The following GPATCH2L variants were observed in gnomAD, a reference collection of about 807,000 sequenced individuals.
GPATCH2L encodes the protein G patch domain-containing protein 2-like.
GPATCH2L carries 31 observed loss-of-function variants against 57.4 expected under a neutral mutation model. The observed-to-expected ratio is 0.54, with a 90% confidence interval of 0.41 to 0.73. GPATCH2L has a LOEUF of 0.73. Ranked by LOEUF, GPATCH2L falls within the 30% of genes least tolerant of loss-of-function variation. GPATCH2L has a pLI of 0.00. For synonymous variants in GPATCH2L, 199 were observed against 210.7 expected (o/e 0.94, Z 0.48); for missense variants, 481 against 599.9 (o/e 0.80, Z 2.07).
Position 76,199,891 on chromosome 14 carries a change from A to G in GPATCH2L, c.1289-1800A>G, listed in dbSNP as rs57357834. On this transcript the variant is annotated intron_variant, in intron 9 of 9. Transcript: ENST00000261530. Reference sequence around the variant, plus strand: ...ACCTTTGTTTACAGCAGCATTATTCACAGTCGTCAAGGTGGAAACAAATCA... The same window carrying G: ...ACCTTTGTTTACAGCAGCATTATTCGCAGTCGTCAAGGTGGAAACAAATCA... 8.8e-3 allele frequency among the ~76,000 whole-genome samples: 1,342 copies of G among 152,326 alleles called. 21 individuals are homozygous for G. The highest frequency in any genetic ancestry group is 0.031 in the African/African-American group (1,291 of 41,580).
chr14:76,213,020 C>T lies in GPATCH2L; in HGVS notation c.*11169C>T, dbSNP rs2040458751. On this transcript the variant is annotated 3_prime_UTR_variant, in exon 10 of 10. Transcript: ENST00000261530. ...AGTGCTCAGAGGAAAATTCATTGCC[C>T]TAAAATTTATGTATTAAAAAATAAG... 1 of 151,676 alleles carries T rather than the reference C, an allele frequency of 6.6e-6. No individual in the cohort carries two copies. The highest frequency in any genetic ancestry group is 6.6e-5 in the Admixed American group (1 of 15,220). 9.4% of individuals were successfully genotyped at this position (151,676 alleles called of 1,614,324 possible).
At chr14:76,220,666 AC>A (rs1227582883) in intron 1 of GPATCH2L, among the ~76,000 whole-genome samples, 2 of 152,150 alleles carry the variant, frequency 1.3e-5, no homozygotes, top group Non-Finnish European at 2.9e-5. Flanking sequence ...TTGAATTTTT[AC>A]CAGAATTTAT....
At chr14:76,161,439 T>C (rs1316774586) in intron 2 of GPATCH2L, among the ~76,000 whole-genome samples, 3 of 152,212 alleles carry the variant, frequency 2.0e-5, no homozygotes, top group African/African-American at 4.8e-5. Flanking sequence ...CAACTTTTGA[T>C]TGTAGGTGAT....
intron 1 of GPATCH2L, among the ~76,000 whole-genome samples, chr14:76,219,411 A>G (rs1027217400): frequency 1.3e-5 from 2 of 152,208 alleles, no homozygotes; most frequent in Non-Finnish European, 2.9e-5. Context: ...ACACGCTATA[A>G]TGGCAAATGT....
In GPATCH2L at chr14:76,202,734, A is replaced by G. The variant is rs933151456; in HGVS notation, c.*883A>G. 2 of 152,652 alleles carry G rather than the reference A, an allele frequency of 1.3e-5. No homozygotes were observed. Among genetic ancestry groups the G allele is most frequent in the African/African-American group, 4.8e-5 (2 of 41,442 alleles). The allele number at this position is 152,652 out of a possible 1,614,324, so 9.5% of individuals were successfully genotyped here. A position where few individuals can be genotyped will look rare whatever the true frequency, so the allele number is the denominator to read the frequency against. On this transcript the variant is annotated 3_prime_UTR_variant, in exon 10 of 10. Transcript: ENST00000261530. Reference sequence around the variant, plus strand: ...CAGAAATTCATACTCTATTATAATAATGGCTTCTTGGGGCCATGCTTTGGG... The same window carrying G: ...CAGAAATTCATACTCTATTATAATAGTGGCTTCTTGGGGCCATGCTTTGGG...
intron 8 of GPATCH2L, among the ~76,000 whole-genome samples, chr14:76,184,712 A>G (rs1328794646): frequency 6.6e-6 from 1 of 152,068 alleles, no homozygotes; most frequent in Non-Finnish European, 1.5e-5. Context: ...CAGGAATAGC[A>G]CTCTGGAAAT....
At chr14:76,167,137 A>G (rs2038880498) in intron 3 of GPATCH2L, among the ~76,000 whole-genome samples, 1 of 152,162 alleles carries the variant, frequency 6.6e-6, no homozygotes, top group Admixed American at 6.5e-5. Flanking sequence ...TCACTTTTGT[A>G]GCCTTATTTA....
intron 8 of GPATCH2L, 49 bp downstream of exon 8, chr14:76,180,898 C>G (rs745376635): frequency 9.3e-7 from 1 of 1,074,772 alleles, no homozygotes; most frequent in Non-Finnish European, 1.5e-6. Flanking sequence ...ATACTATATT[C>G]CTTTCTATTA....
chr14:76,187,135 A>G (rs1432761379), intron 8 of GPATCH2L, among the ~76,000 whole-genome samples: 1 of 152,010 alleles, frequency 6.6e-6, no homozygotes, highest in African/African-American at 2.4e-5. Context: ...AATAAATGTC[A>G]GTAAACCTTA....
intron 8 of GPATCH2L, 81 bp from the exon 9 acceptor site, chr14:76,195,796 AG>A (rs1242598330): frequency 9.7e-7 from 1 of 1,030,622 alleles, no homozygotes; most frequent in African/African-American, 1.6e-5. Context: ...TAATAGGTTA[AG>A]GATTTAATCT....
intron 2 of GPATCH2L, among the ~76,000 whole-genome samples, chr14:76,158,521 A>G (rs1413284673): frequency 6.6e-6 from 1 of 152,232 alleles, no homozygotes; most frequent in Non-Finnish European, 1.5e-5. Context: ...GGACCATTTT[A>G]ACCAAAGATT....
chr14:76,228,093 G>A (rs2040543782), intron 1 of GPATCH2L, among the ~76,000 whole-genome samples: 1 of 152,254 alleles, frequency 6.6e-6, no homozygotes, highest in African/African-American at 2.4e-5. Flanking sequence ...CAGCACTGAT[G>A]AGGTTAAATG....
intron 8 of GPATCH2L, among the ~76,000 whole-genome samples, chr14:76,194,698 T>C (rs967837191): frequency 1.3e-5 from 2 of 152,082 alleles, no homozygotes; most frequent in Admixed American, 6.5e-5. Flanking sequence ...GGACTACTGA[T>C]TAGGAGTTTA....
intron 1 of GPATCH2L, chr14:76,152,917 T>C: frequency 2.8e-6 from 1 of 359,782 alleles, no homozygotes; most frequent in South Asian, 2.1e-5. Flanking sequence ...CTCCCAAACC[T>C]CAATCATGGC....
intron 2 of GPATCH2L, among the ~76,000 whole-genome samples, chr14:76,162,594 C>T (rs1375005998): frequency 6.6e-6 from 1 of 152,014 alleles, no homozygotes; most frequent in Non-Finnish European, 1.5e-5. Flanking sequence ...CTTTCTGAAA[C>T]TTTTTTTTCC....
chr14:76,218,432 T>C (rs1412161277), downstream of GPATCH2L, among the ~76,000 whole-genome samples: 1 of 152,034 alleles, frequency 6.6e-6, no homozygotes, highest in Non-Finnish European at 1.5e-5. Flanking sequence ...CATGTTGTAA[T>C]AGCACAAAAC....
chr14:76,155,303 AC>A (rs2038254818), intron 2 of GPATCH2L, among the ~76,000 whole-genome samples: 1 of 152,230 alleles, frequency 6.6e-6, no homozygotes, highest in African/African-American at 2.4e-5. Context: ...ATTTTAAAAA[AC>A]AATTTGCTGC....
chr14:76,166,011 T>A (rs1314154995), intron 2 of GPATCH2L, among the ~76,000 whole-genome samples: 1 of 152,234 alleles, frequency 6.6e-6, no homozygotes, highest in East Asian at 1.9e-4. Flanking sequence ...CAAAATCAAC[T>A]GTGAGCAATA....
rs112380705 is a variant in GPATCH2L at position 76,221,117 on chromosome 14, A to G, written c.66-8691A>G. Among the ~76,000 whole-genome samples, 537 of 152,070 alleles carry G rather than the reference A, an allele frequency of 3.5e-3. 4 individuals carry two copies. The highest frequency in any genetic ancestry group is 0.012 in the African/African-American group (505 of 41,534). Reference sequence around the variant, plus strand: ...AAAATGTTTGCAAAAGACACATCTGATAAAGGACTGTTATCCAAACTGTAA... The same window carrying G: ...AAAATGTTTGCAAAAGACACATCTGGTAAAGGACTGTTATCCAAACTGTAA... On this transcript the variant is annotated intron_variant and NMD_transcript_variant, in intron 1 of 3. Coordinates refer to the GPATCH2L transcript ENST00000556372.
Sources: gnomAD v4.1 joint callset for allele counts (sites outside exome capture counted in the v4.1 genomes callset) on GRCh38, gnomAD v4.1.1 for gene constraint, MANE v1.5 for transcripts, NCBI Gene and HGNC (gene_info 2026-07-23, HGNC 2026-07-21) for gene names.